CNTNAP2: variants seen among roughly 807,000 people sequenced by gnomAD.
CNTNAP2 encodes the protein contactin-associated protein-like 2.
A neutral mutation model predicts 155.2 loss-of-function variants in CNTNAP2; 98 were observed. The observed-to-expected ratio is 0.63, with a 90% CI of 0.54 to 0.75. The LOEUF (loss-of-function observed/expected upper bound fraction) is 0.75. Among genes scored for constraint, CNTNAP2 ranks in the 30% least tolerant of loss-of-function variants. The pLI is 0.00. For synonymous variants in CNTNAP2, 651 were observed against 631.2 expected (o/e 1.03, Z -0.47); for missense variants, 1,727 against 1,688.1 (o/e 1.02, Z -0.40).
chr7:147,998,477 C>T (rs754193272), intron 15 of CNTNAP2, among the ~76,000 whole-genome samples: 16 of 152,036 alleles, frequency 1.1e-4, no homozygotes, highest in Non-Finnish European at 2.9e-5. Context: ...GAGGCGTGAC[C>T]GATGATTTTT....
chr7:146,499,295 G>T (rs1437110758), intron 1 of CNTNAP2, among the ~76,000 whole-genome samples: 5 of 152,116 alleles, frequency 3.3e-5, no homozygotes, highest in African/African-American at 1.2e-4. Flanking sequence ...CGATTCTCCT[G>T]CTTCAGCCTC....
Position 146,975,293 on chromosome 7 carries a change from C to T in CNTNAP2, c.403-68614C>T, listed in dbSNP as rs931861917. 1.3e-4 allele frequency among the ~76,000 whole-genome samples: 20 copies of T among 152,010 alleles called. No individual in the cohort carries two copies. The South Asian group carries it at 1.5e-3, about 11-fold the overall frequency. Reference sequence around the variant, plus strand: ...CACCCTGGCCAACATGGCAAAACCCCGTCTCTACTAAAAATACAAAAATAA... The same window carrying T: ...CACCCTGGCCAACATGGCAAAACCCTGTCTCTACTAAAAATACAAAAATAA... On this transcript the variant is annotated intron_variant, in intron 3 of 23. Coordinates refer to ENST00000361727, the MANE Select transcript of CNTNAP2 (RefSeq NM_014141.6).
intron 4 of CNTNAP2, among the ~76,000 whole-genome samples, chr7:147,089,062 C>A (rs1800343440): frequency 6.6e-6 from 1 of 152,118 alleles, no homozygotes; most frequent in Non-Finnish European, 1.5e-5. Context: ...CTTCTCCCAG[C>A]AATTTGTTAG....
At chr7:147,997,403 C>T (rs569790586) in intron 15 of CNTNAP2, among the ~76,000 whole-genome samples, 2 of 151,662 alleles carry the variant, frequency 1.3e-5, no homozygotes, top group African/African-American at 2.4e-5. Context: ...AAAAAAAATA[C>T]TGAATTAGCT....
At chr7:146,771,555 A>T (rs1307924894) in intron 1 of CNTNAP2, among the ~76,000 whole-genome samples, 1 of 152,198 alleles carries the variant, frequency 6.6e-6, no homozygotes, top group East Asian at 1.9e-4. Flanking sequence ...CTTTTAAAAC[A>T]AATTTTAAGT....
In CNTNAP2 at chr7:146,862,960, TA is replaced by T. The variant is rs148705086; in HGVS notation, c.402+23057del. Among the ~76,000 whole-genome samples, 181 of 152,346 alleles carry T rather than the reference TA, an allele frequency of 1.2e-3. 5 individuals are homozygous for T. In the East Asian group the frequency reaches 0.031, roughly 26 times the overall value. ...TTGTGCTTGAGTCAACCTTCATGCA[TA>T]TAGATTTCCACTTAATGGCAATTGT... On this transcript the variant is annotated intron_variant, in intron 3 of 23. Transcript: ENST00000361727.
At chr7:146,583,504 G>T (rs1798643298) in intron 1 of CNTNAP2, among the ~76,000 whole-genome samples, 1 of 152,170 alleles carries the variant, frequency 6.6e-6, no homozygotes, top group Admixed American at 6.5e-5. Context: ...CAAAGGAGGG[G>T]AGGTGGATCA....
intron 1 of CNTNAP2, among the ~76,000 whole-genome samples, chr7:146,338,064 G>T (rs890012932): frequency 2.0e-5 from 3 of 152,128 alleles, no homozygotes; most frequent in Non-Finnish European, 2.9e-5. Context: ...CATCTCATTT[G>T]CTGAGATGAG....
rs149360609 is a variant in CNTNAP2 at position 146,656,910 on chromosome 7, T to C, written c.98-117361T>C. Among the ~76,000 whole-genome samples, 1,018 of 152,282 alleles carry C rather than the reference T, an allele frequency of 6.7e-3. 31 individuals are homozygous for C. Among genetic ancestry groups the C allele is most frequent in the Non-Finnish European group, 3.9e-3 (268 of 68,026 alleles). Reference sequence around the variant, plus strand: ...TTTAAAAAGCCTCAACATTTTCTCATAGCCTTTAGAAGAAACAATTTTTTG... The same window carrying C: ...TTTAAAAAGCCTCAACATTTTCTCACAGCCTTTAGAAGAAACAATTTTTTG... On this transcript the variant is annotated intron_variant, in intron 1 of 23. Transcript: ENST00000361727.
In CNTNAP2 at chr7:147,691,612, C is replaced by T. The variant is rs568914010; in HGVS notation, c.2098+52306C>T. 7.2e-5 allele frequency among the ~76,000 whole-genome samples: 11 copies of T among 152,220 alleles called. No individual in the cohort carries two copies. In the Middle Eastern group the frequency reaches 0.01, roughly 141 times the overall value. On this transcript the variant is annotated intron_variant, in intron 13 of 23. Coordinates refer to ENST00000361727, the MANE Select transcript of CNTNAP2 (RefSeq NM_014141.6). Reference sequence around the variant, plus strand: ...ATGTAGGATTTCCCCCACACATTTGCGGTGTCAAGAGCATAGATACTAGTA... The same window carrying T: ...ATGTAGGATTTCCCCCACACATTTGTGGTGTCAAGAGCATAGATACTAGTA...
chr7:146,162,858 G>A (rs916764414), intron 1 of CNTNAP2, among the ~76,000 whole-genome samples: 1 of 152,278 alleles, frequency 6.6e-6, no homozygotes, highest in East Asian at 1.9e-4. Flanking sequence ...TCCTTTGAAG[G>A]GACATGGATG....
At chr7:147,366,164 T>C (rs572335191) in intron 9 of CNTNAP2, among the ~76,000 whole-genome samples, 2 of 152,276 alleles carry the variant, frequency 1.3e-5, no homozygotes, top group East Asian at 3.9e-4. Flanking sequence ...AGATATTATA[T>C]CACAATCTGT....
chr7:148,408,736 T>G (rs569980173), intron 22 of CNTNAP2, among the ~76,000 whole-genome samples: 23 of 152,332 alleles, frequency 1.5e-4, no homozygotes, highest in Admixed American at 2.6e-4. Flanking sequence ...CAGATGGACT[T>G]CGGGATCTAT....
At chr7:146,395,826 G>GAA (rs1563068432) in intron 1 of CNTNAP2, among the ~76,000 whole-genome samples, 1 of 116,770 alleles carries the variant, frequency 8.6e-6, no homozygotes, top group African/African-American at 3.0e-5. Context: ...GATAGATAGA[G>GAA]GAGAGAGAGA....
intron 8 of CNTNAP2, among the ~76,000 whole-genome samples, chr7:147,244,377 C>A (rs1804010016): frequency 6.6e-6 from 1 of 152,040 alleles, no homozygotes; most frequent in Admixed American, 6.5e-5. Context: ...TACTAAGCAC[C>A]CTATATGTTA....
chr7:147,345,763 T>G (rs775439942), intron 9 of CNTNAP2, among the ~76,000 whole-genome samples: 3 of 152,228 alleles, frequency 2.0e-5, no homozygotes, highest in Non-Finnish European at 4.4e-5. Context: ...ATAGAGGAAC[T>G]ATATTCAGAT....
chr7:148,333,944 C>A (rs1201115940), intron 21 of CNTNAP2, among the ~76,000 whole-genome samples: 1 of 152,204 alleles, frequency 6.6e-6, no homozygotes, highest in African/African-American at 2.4e-5. Context: ...TAAGGACATC[C>A]TGATTTCTGC....
intron 20 of CNTNAP2, among the ~76,000 whole-genome samples, chr7:148,237,326 T>C (rs1796059628): frequency 6.6e-6 from 1 of 152,204 alleles, no homozygotes; most frequent in Non-Finnish European, 1.5e-5. Flanking sequence ...TTTGTACTAA[T>C]GTCCAAAAAT....
intron 20 of CNTNAP2, among the ~76,000 whole-genome samples, chr7:148,261,529 G>A (rs1355027106): frequency 2.6e-5 from 4 of 152,166 alleles, no homozygotes; most frequent in South Asian, 2.1e-4. Context: ...TGGAGGTGGC[G>A]TGTTCTGAAG....
Sources: allele counts gnomAD v4.1 joint callset (sites outside exome capture counted in the v4.1 genomes callset), GRCh38; gene constraint gnomAD v4.1.1; transcripts MANE v1.5; gene names NCBI Gene and HGNC (gene_info 2026-07-23, HGNC 2026-07-21).